HDAC4: variants seen among roughly 807,000 people sequenced by gnomAD.
The protein encoded by HDAC4 is histone deacetylase 4.
A neutral mutation model predicts 135.1 loss-of-function variants in HDAC4; 16 were observed. The ratio of observed to expected loss-of-function variants is 0.12; its 90% CI spans 0.08 to 0.18. The LOEUF (loss-of-function observed/expected upper bound fraction) is 0.18. Ranked by LOEUF, HDAC4 falls within the 10% of genes least tolerant of loss-of-function variation. The pLI, the probability that HDAC4 is intolerant of heterozygous loss-of-function variation, is 1.00. For missense variants in HDAC4, 1,143 were observed against 1,511.8 expected (o/e 0.76, Z 4.05); for synonymous variants, 685 against 653.4 (o/e 1.05, Z -0.74).
At chr2:239,386,453 A>G (rs1359171499) in intron 1 of HDAC4, among the ~76,000 whole-genome samples, 2 of 152,122 alleles carry the variant, frequency 1.3e-5, no homozygotes, top group Non-Finnish European at 2.9e-5. Context: ...GAGGAGCGTC[A>G]GCTGAGGGTG....
intron 3 of HDAC4, among the ~76,000 whole-genome samples, chr2:239,206,125 C>T (rs533719040): frequency 1.3e-5 from 2 of 152,256 alleles, no homozygotes; most frequent in South Asian, 4.1e-4. Flanking sequence ...CCCAGGAGTT[C>T]AAGACCAGCC....
chr2:239,126,603 C>G lies in HDAC4; in HGVS notation c.1386G>C (p.Arg462=). ...DRVSPSIHKL[R]QHRPLGRTQS... ...GGGTCCGCCCCAGTGGGCGGTGCTGCCGCAGCTTGTGGATGGAGGGGGACA... is the reference window on the plus strand; with the variant it reads ...GGGTCCGCCCCAGTGGGCGGTGCTGGCGCAGCTTGTGGATGGAGGGGGACA... The change falls in exon 12 of 27, where the codon CGG becomes CGC. Residue 462 remains arginine, a synonymous_variant. Transcript: ENST00000543185. 6.2e-7 allele frequency: 1 copy of G among 1,613,942 alleles called. No homozygotes were observed. The highest frequency in any genetic ancestry group is 1.1e-5 in the South Asian group (1 of 91,074).
intron 3 of HDAC4, among the ~76,000 whole-genome samples, chr2:239,200,167 C>A (rs534360018): frequency 6.6e-6 from 1 of 152,174 alleles, no homozygotes; most frequent in Admixed American, 6.5e-5. Flanking sequence ...TCTTTACTGG[C>A]GTTTTTGTGA....
At chr2:239,381,315 A>G (rs987443455) in intron 1 of HDAC4, among the ~76,000 whole-genome samples, 4 of 152,202 alleles carry the variant, frequency 2.6e-5, no homozygotes, top group African/African-American at 9.7e-5. Flanking sequence ...CAACACAAAC[A>G]TGCCTCTTTG....
chr2:239,060,740 G>A (rs935365432), intron 24 of HDAC4, among the ~76,000 whole-genome samples: 3 of 152,252 alleles, frequency 2.0e-5, no homozygotes, highest in Non-Finnish European at 2.9e-5. Flanking sequence ...GGCCACCTAG[G>A]TGTATTGGGG....
intron 3 of HDAC4, among the ~76,000 whole-genome samples, chr2:239,198,011 C>G (rs1040487306): frequency 2.6e-5 from 4 of 152,092 alleles, no homozygotes; most frequent in African/African-American, 9.7e-5. Context: ...CACCACCATG[C>G]CCAGCTAATT....
At chr2:239,272,067 C>T (rs947058650) in intron 2 of HDAC4, among the ~76,000 whole-genome samples, 1 of 152,186 alleles carries the variant, frequency 6.6e-6, no homozygotes, top group Admixed American at 6.5e-5. Flanking sequence ...CACTTTCCCA[C>T]GGACATTCAA....
intron 17 of HDAC4, 183 bp downstream of exon 17, chr2:239,094,827 C>A: frequency 6.7e-7 from 1 of 1,484,482 alleles, no homozygotes; most frequent in Non-Finnish European, 9.0e-7. Flanking sequence ...AGAAAGGTGC[C>A]CGAGTCGGCG....
rs1422098575 is a variant in HDAC4 at position 239,306,305 on chromosome 2, C to T, written c.22+46373G>A. 6.6e-6 allele frequency among the ~76,000 whole-genome samples: 1 copy of T among 152,146 alleles called. No homozygotes were observed. The highest frequency in any genetic ancestry group is 2.4e-5 in the African/African-American group (1 of 41,430). ...GATTCCAGGAGCTCCCTGGCCCATCCACAGGTGGGTGAGCTCCCACCCAGG... is the reference window on the plus strand; with the variant it reads ...GATTCCAGGAGCTCCCTGGCCCATCTACAGGTGGGTGAGCTCCCACCCAGG... On this transcript the variant is annotated intron_variant, in intron 2 of 26. Transcript: ENST00000543185. This position sits in a 1 kb window ranked among gnomAD's most constrained non-coding sequence, Gnocchi z 4.5.
intron 3 of HDAC4, among the ~76,000 whole-genome samples, chr2:239,216,425 G>A (rs1430521814): frequency 6.6e-6 from 1 of 152,194 alleles, no homozygotes; most frequent in Non-Finnish European, 1.5e-5. Context: ...ACGATGAGGA[G>A]GGCGCCCTAC....
At position 239,326,231 on chromosome 2, in the gene HDAC4, C is replaced by T. The variant is rs139215630; in HGVS notation, c.22+26447G>A. Among the ~76,000 whole-genome samples the T allele has an allele frequency of 2.1e-3, 325 of 152,150 alleles. 1 individual carries two copies. Among genetic ancestry groups the T allele is most frequent in the Non-Finnish European group, 3.2e-3 (219 of 68,014 alleles). ...CTGACCATGCCACAATACGAGTGAA[C>T]CCTGACACATTATGCCAAGTGAAAG... On this transcript the variant is annotated intron_variant, in intron 2 of 26. Transcript: ENST00000543185.
chr2:239,228,517 C>T (rs2047371518), intron 3 of HDAC4, among the ~76,000 whole-genome samples: 1 of 152,134 alleles, frequency 6.6e-6, no homozygotes, highest in African/African-American at 2.4e-5. Flanking sequence ...GATGTTACTG[C>T]TCATGGGAGT....
Position 239,308,735 on chromosome 2 carries a change from G to A in HDAC4, c.22+43943C>T, listed in dbSNP as rs992532188. Among the ~76,000 whole-genome samples the A allele has an allele frequency of 3.9e-5, 6 of 152,142 alleles. No homozygotes were observed. Among genetic ancestry groups the A allele is most frequent in the Admixed American group, 6.5e-5 (1 of 15,274 alleles). ...CTGCAGAAACTCCGAATCTGCTAAC[G>A]TGAAGTGCCAAGACTGCTGTCCGCC... On this transcript the variant is annotated intron_variant, in intron 2 of 26. Transcript: ENST00000543185. This position sits in a 1 kb window ranked among gnomAD's most constrained non-coding sequence, Gnocchi z 4.2.
intron 7 of HDAC4, among the ~76,000 whole-genome samples, chr2:239,154,444 T>C (rs918742816): frequency 3.9e-5 from 6 of 152,090 alleles, no homozygotes; most frequent in African/African-American, 1.4e-4. Context: ...CACACAGAGC[T>C]ATTACATGAA....
chr2:239,141,894 T>C lies in HDAC4; in HGVS notation c.866-2098A>G, dbSNP rs1290865261. The stretch of plus-strand genomic sequence containing the variant: ...AGGAATAGGTCTAAGAAAATTCATA[T>C]AAATGCATAATCTTCATAGTATTAC... On this transcript the variant is annotated intron_variant, in intron 8 of 26. Coordinates refer to ENST00000543185, the MANE Select transcript of HDAC4 (RefSeq NM_001378414.1). This position sits in a 1 kb window ranked among gnomAD's most constrained non-coding sequence, Gnocchi z 4.9. 6.6e-6 allele frequency among the ~76,000 whole-genome samples: 1 copy of C among 152,208 alleles called. No homozygotes were observed. The highest frequency in any genetic ancestry group is 1.5e-5 in the Non-Finnish European group (1 of 68,042).
intron 2 of HDAC4, among the ~76,000 whole-genome samples, chr2:239,250,089 A>G (rs961483040): frequency 2.0e-5 from 3 of 152,234 alleles, no homozygotes; most frequent in Admixed American, 6.5e-5. Context: ...GGCCTCTCCC[A>G]TCGGAATTGC....
chr2:239,124,558 T>C (rs2039976369), intron 12 of HDAC4, among the ~76,000 whole-genome samples: 1 of 148,626 alleles, frequency 6.7e-6, no homozygotes, highest in Non-Finnish European at 1.5e-5. Context: ...TTCCACGTTA[T>C]ATGACATTCC....
At chr2:239,249,391 C>A (rs979086089) in intron 2 of HDAC4, among the ~76,000 whole-genome samples, 1 of 152,106 alleles carries the variant, frequency 6.6e-6, no homozygotes, top group Admixed American at 6.5e-5. Flanking sequence ...CAGGACTCTG[C>A]GATGGACTTG....
chr2:239,337,002 T>C (rs557856844), intron 2 of HDAC4, among the ~76,000 whole-genome samples: 12 of 152,180 alleles, frequency 7.9e-5, no homozygotes, highest in Middle Eastern at 3.4e-3. Context: ...CTGGCAAGAG[T>C]AGACTGTAGG....
Sources: gnomAD v4.1 joint callset for allele counts (sites outside exome capture counted in the v4.1 genomes callset) on GRCh38, gnomAD v4.1.1 for gene constraint, Gnocchi (gnomAD v3.1) non-coding constraint, MANE v1.5 for transcripts, NCBI Gene and HGNC (gene_info 2026-07-23, HGNC 2026-07-21) for gene names.